SMOC1: variants seen among roughly 807,000 people sequenced by gnomAD.
The protein encoded by SMOC1 is SPARC-related modular calcium-binding protein 1.
A neutral mutation model predicts 56.3 loss-of-function variants in SMOC1; 22 were observed. The ratio of observed to expected loss-of-function variants is 0.39; its 90% CI spans 0.28 to 0.56. The LOEUF is 0.56. SMOC1 is among the 20% of genes least tolerant of loss of function. The pLI is 0.61. For synonymous variants in SMOC1, 193 were observed against 215.0 expected, an observed-to-expected ratio of 0.90 and a Z score of 0.89; for missense variants, 509 against 565.4, an observed-to-expected ratio of 0.90 and a Z score of 1.01.
intron 1 of SMOC1, among the ~76,000 whole-genome samples, chr14:69,950,775 CA>C (rs1882967721): frequency 6.6e-6 from 1 of 152,206 alleles, no homozygotes. Flanking sequence ...TTGTTGTTAA[CA>C]GGGGGTTCCC....
At chr14:69,998,654 G>A (rs1884861301) in intron 7 of SMOC1, among the ~76,000 whole-genome samples, 1 of 151,908 alleles carries the variant, frequency 6.6e-6, no homozygotes, top group African/African-American at 2.4e-5. Flanking sequence ...TCTATATGAC[G>A]AACTTCCACC....
At chr14:70,026,167 G>T (rs1885916895) in intron 11 of SMOC1, among the ~76,000 whole-genome samples, 1 of 152,186 alleles carries the variant, frequency 6.6e-6, no homozygotes, top group Non-Finnish European at 1.5e-5. Context: ...GCTCTGACAC[G>T]CTTGGAATTT....
chr14:69,960,028 G>A (rs1883317554), intron 3 of SMOC1, among the ~76,000 whole-genome samples: 1 of 152,034 alleles, frequency 6.6e-6, no homozygotes, highest in East Asian at 1.9e-4. Context: ...GCTTGCCCTG[G>A]GAACACCTTG....
At chr14:70,004,057 G>A (rs1885065435) in intron 7 of SMOC1, among the ~76,000 whole-genome samples, 1 of 151,944 alleles carries the variant, frequency 6.6e-6, no homozygotes, top group East Asian at 1.9e-4. Context: ...TACTTTTTCT[G>A]TAGTGTAAGG....
chr14:70,011,938 T>A (rs1443155523), intron 9 of SMOC1, among the ~76,000 whole-genome samples: 2 of 152,198 alleles, frequency 1.3e-5, no homozygotes, highest in Admixed American at 6.5e-5. Context: ...ATGTGGACAG[T>A]GTCTGTTGCT....
intron 5 of SMOC1, among the ~76,000 whole-genome samples, chr14:69,991,819 T>G (rs1048164253): frequency 9.8e-5 from 15 of 152,352 alleles, no homozygotes; most frequent in African/African-American, 3.4e-4. Context: ...TGATTCCTGA[T>G]TCTCTTCAGT....
chr14:69,990,456 G>A (rs928506055), intron 5 of SMOC1, among the ~76,000 whole-genome samples: 2 of 152,176 alleles, frequency 1.3e-5, no homozygotes, highest in Non-Finnish European at 2.9e-5. Context: ...CTCCTAAAAT[G>A]AAGCCACCCT....
At chr14:69,929,982 G>A (rs1445835597) in intron 1 of SMOC1, among the ~76,000 whole-genome samples, 2 of 152,036 alleles carry the variant, frequency 1.3e-5, no homozygotes, top group African/African-American at 4.8e-5. Context: ...TTGAGAGTTC[G>A]GCCCCACATC....
In SMOC1 at chr14:70,030,855, C is replaced by G. The variant is rs1177810347; in HGVS notation, c.*597C>G. The G allele has an allele frequency of 6.6e-6, 1 of 152,162 alleles. No individual in the cohort carries two copies. Among genetic ancestry groups the G allele is most frequent in the Middle Eastern group, 3.2e-3 (1 of 316 alleles). 9.4% of individuals were successfully genotyped at this position (152,162 alleles called of 1,614,324 possible). ...GGTGGGAGGACTATATTGCCCCATG[C>G]CATTAGTTGTCAAAATTGATAAGTC... On this transcript the variant is annotated 3_prime_UTR_variant, in exon 12 of 12. Transcript: ENST00000361956.
At chr14:69,972,912 C>G (rs1883824611) in intron 3 of SMOC1, among the ~76,000 whole-genome samples, 1 of 152,186 alleles carries the variant, frequency 6.6e-6, no homozygotes, top group Non-Finnish European at 1.5e-5. Context: ...CAGCACTGGG[C>G]CAGAGACACA....
At chr14:69,987,226 T>C (rs1884398256) in intron 5 of SMOC1, among the ~76,000 whole-genome samples, 1 of 152,184 alleles carries the variant, frequency 6.6e-6, no homozygotes, top group Admixed American at 6.5e-5. Context: ...TTTTCAAAGA[T>C]GGACAATGGC....
intron 3 of SMOC1, among the ~76,000 whole-genome samples, chr14:69,961,286 A>G (rs1438601889): frequency 0.026 from 1,854 of 70,138 alleles, 42 homozygotes; most frequent in Non-Finnish European, 0.049. Flanking sequence ...ATATATATAT[A>G]TATATATATA....
intron 2 of SMOC1, among the ~76,000 whole-genome samples, chr14:69,952,637 G>C (rs374508165): frequency 1.5e-3 from 236 of 152,338 alleles, no homozygotes; most frequent in African/African-American, 5.5e-3. Context: ...TTGGCCAACA[G>C]ATGTGTTTTG....
At chr14:69,943,010 G>T (rs570436821) in intron 1 of SMOC1, among the ~76,000 whole-genome samples, 1 of 152,092 alleles carries the variant, frequency 6.6e-6, no homozygotes, top group Non-Finnish European at 1.5e-5. Flanking sequence ...GCTGCTGGTG[G>T]TGGGGGGCAC....
At chr14:69,961,288 A>G (rs1187570810) in intron 3 of SMOC1, among the ~76,000 whole-genome samples, 1,447 of 71,860 alleles carry the variant, frequency 0.02, 51 homozygotes, top group Non-Finnish European at 0.037. Context: ...ATATATATAT[A>G]TATATATATA....
intron 7 of SMOC1, among the ~76,000 whole-genome samples, chr14:70,003,714 A>C (rs1476065759): frequency 1.3e-5 from 2 of 152,182 alleles, no homozygotes; most frequent in African/African-American, 4.8e-5. Context: ...ACCGAGGACA[A>C]GGGGCCCACG....
intron 1 of SMOC1, among the ~76,000 whole-genome samples, chr14:69,896,800 T>C (rs1307820496): frequency 6.6e-6 from 1 of 152,204 alleles, no homozygotes; most frequent in African/African-American, 2.4e-5. Flanking sequence ...TGGCTTCTCT[T>C]CCAGGCAACT....
At chr14:69,909,234 T>A (rs1457716661) in intron 1 of SMOC1, among the ~76,000 whole-genome samples, 1 of 152,234 alleles carries the variant, frequency 6.6e-6, no homozygotes, top group Non-Finnish European at 1.5e-5. Context: ...ATCATAAATA[T>A]GTGAGTTTTT....
intron 1 of SMOC1, among the ~76,000 whole-genome samples, chr14:69,898,424 C>A (rs1344771883): frequency 6.6e-6 from 1 of 151,952 alleles, no homozygotes; most frequent in Non-Finnish European, 1.5e-5. Flanking sequence ...ACATGTTATA[C>A]CTTTCATGGT....
Sources: gnomAD v4.1 joint callset for allele counts (sites outside exome capture counted in the v4.1 genomes callset) on GRCh38, gnomAD v4.1.1 for gene constraint, MANE v1.5 for transcripts, NCBI Gene and HGNC (gene_info 2026-07-23, HGNC 2026-07-21) for gene names.